The following TUSC3 variants were observed in gnomAD, a reference collection of about 807,000 sequenced individuals.
TUSC3 encodes tumor suppressor candidate 3.
In TUSC3, 45 loss-of-function variants were observed where a neutral mutation model predicts 44.8. The ratio of observed to expected loss-of-function variants is 1.00; its 90% CI spans 0.79 to 1.29. The LOEUF (loss-of-function observed/expected upper bound fraction) is 1.29, where lower values mean the gene tolerates loss of function less well. Among genes scored for constraint, TUSC3 ranks in the 50% most tolerant of loss-of-function variants. The pLI, the probability that TUSC3 is intolerant of heterozygous loss-of-function variation, is 0.00. For synonymous variants in TUSC3, 212 were observed against 152.9 expected, an observed-to-expected ratio of 1.39 and a Z score of -2.85; for missense variants, 519 against 437.9, an observed-to-expected ratio of 1.19 and a Z score of -1.65.
Position 15,556,039 on chromosome 8 carries a change from G to T in TUSC3, c.138+15471G>T, listed in dbSNP as rs538065793. 1.1e-4 allele frequency among the ~76,000 whole-genome samples: 16 copies of T among 148,770 alleles called. No homozygotes were observed. In the South Asian group the frequency reaches 2.4e-3, roughly 22 times the overall value. On this transcript the variant is annotated intron_variant, in intron 1 of 10. Coordinates refer to ENST00000503731, the MANE Select transcript of TUSC3 (RefSeq NM_006765.4). ...TTTTTATTATACTTTAAGTTTTAGG[G>T]TACATGTGCACATTGTGCAGGTTAG...
chr8:15,745,829 G>C (rs150025989), intron 8 of TUSC3, among the ~76,000 whole-genome samples: 1 of 151,860 alleles, frequency 6.6e-6, no homozygotes, highest in Non-Finnish European at 1.5e-5. Flanking sequence ...ATTGCCTTTG[G>C]AGACTTAGTA....
At chr8:15,660,972 A>G (rs923087124) in intron 4 of TUSC3, among the ~76,000 whole-genome samples, 12 of 151,312 alleles carry the variant, frequency 7.9e-5, no homozygotes, top group African/African-American at 2.9e-4. Flanking sequence ...AGAAATGAAA[A>G]CAGTACAAAT....
At chr8:15,691,391 G>C (rs987866177) in intron 6 of TUSC3, among the ~76,000 whole-genome samples, 1 of 152,132 alleles carries the variant, frequency 6.6e-6, no homozygotes, top group Non-Finnish European at 1.5e-5. Flanking sequence ...TTGTTTAGCA[G>C]ATCAAGAAGC....
intron 2 of TUSC3, among the ~76,000 whole-genome samples, chr8:15,489,655 T>A (rs1027810681): frequency 1.3e-5 from 2 of 152,182 alleles, no homozygotes; most frequent in African/African-American, 4.8e-5. Flanking sequence ...GAATTTGGTA[T>A]CTCACTGCCA....
At chr8:15,840,721 G>A in the TUSC3 span, among the ~76,000 whole-genome samples, 1 of 152,058 alleles carries the variant, frequency 6.6e-6, no homozygotes, top group East Asian at 1.9e-4. Context: ...TTTTTCTAGA[G>A]AAAATTCCAT....
intron 1 of TUSC3, among the ~76,000 whole-genome samples, chr8:15,467,649 T>C (rs1800431243): frequency 6.6e-6 from 1 of 152,174 alleles, no homozygotes; most frequent in Non-Finnish European, 1.5e-5. Context: ...CTGCTGTCCA[T>C]GTGGCAAACT....
chr8:15,575,672 C>T (rs558131395), intron 1 of TUSC3, among the ~76,000 whole-genome samples: 1 of 152,082 alleles, frequency 6.6e-6, no homozygotes, highest in Non-Finnish European at 1.5e-5. Flanking sequence ...GAAGCTGAGG[C>T]AGGAGAATCA....
chr8:15,777,490 T>C, the TUSC3 span, among the ~76,000 whole-genome samples: 1 of 152,168 alleles, frequency 6.6e-6, no homozygotes, highest in Non-Finnish European at 1.5e-5. Context: ...CATGAACATA[T>C]AATTCAAATT....
intron 1 of TUSC3, among the ~76,000 whole-genome samples, chr8:15,561,866 C>T (rs999374091): frequency 7.2e-5 from 11 of 152,118 alleles, no homozygotes; most frequent in East Asian, 3.9e-4. Flanking sequence ...TTTCGGCTGG[C>T]GCACGGTGTG....
chr8:15,460,210 A>AT (rs1800325838), intron 1 of TUSC3, among the ~76,000 whole-genome samples: 2 of 151,720 alleles, frequency 1.3e-5, no homozygotes, highest in South Asian at 2.1e-4. Context: ...CTGCTTTTTG[A>AT]TTTTTTTGAT....
chr8:15,550,031 G>A (rs1451703103), intron 1 of TUSC3, among the ~76,000 whole-genome samples: 1 of 151,708 alleles, frequency 6.6e-6, no homozygotes, highest in Non-Finnish European at 1.5e-5. Flanking sequence ...GATTGAGCAA[G>A]CACGGGGTAC....
At chr8:15,560,100 G>T (rs1317227717) in intron 1 of TUSC3, among the ~76,000 whole-genome samples, 1 of 122,896 alleles carries the variant, frequency 8.1e-6, no homozygotes, top group Non-Finnish European at 1.7e-5. Flanking sequence ...TCCTAGTCTC[G>T]ATGGTCTTTA....
At chr8:15,832,169 C>A in the TUSC3 span, among the ~76,000 whole-genome samples, 2 of 152,086 alleles carry the variant, frequency 1.3e-5, no homozygotes, top group Non-Finnish European at 2.9e-5. Flanking sequence ...AAATTCCAAC[C>A]AAGAATTCAC....
intron 2 of TUSC3, among the ~76,000 whole-genome samples, chr8:15,505,914 A>G (rs938399263): frequency 6.6e-6 from 1 of 152,140 alleles, no homozygotes; most frequent in Non-Finnish European, 1.5e-5. Context: ...TTCTTGCCCA[A>G]TCTGGTCATA....
At chr8:15,668,896 A>G (rs1807803038) in intron 5 of TUSC3, among the ~76,000 whole-genome samples, 1 of 151,868 alleles carries the variant, frequency 6.6e-6, no homozygotes, top group East Asian at 1.9e-4. Flanking sequence ...TTTGGTTAGA[A>G]ACTTCACAAG....
At chr8:15,795,444 G>A in the TUSC3 span, among the ~76,000 whole-genome samples, 21 of 152,284 alleles carry the variant, frequency 1.4e-4, no homozygotes, top group African/African-American at 5.1e-4. Context: ...GACTTCCAAT[G>A]CACAGATAAC....
chr8:15,478,590 C>T (rs1036208126), intron 1 of TUSC3, among the ~76,000 whole-genome samples: 2 of 152,146 alleles, frequency 1.3e-5, no homozygotes, highest in Non-Finnish European at 2.9e-5. Flanking sequence ...ATCCATGTCC[C>T]TGAAAAGGAC....
chr8:15,575,224 T>A (rs995389737), intron 1 of TUSC3, among the ~76,000 whole-genome samples: 1 of 152,194 alleles, frequency 6.6e-6, no homozygotes, highest in African/African-American at 2.4e-5. Context: ...AAAGTGGATT[T>A]TGTGTACTTG....
intron 1 of TUSC3, among the ~76,000 whole-genome samples, chr8:15,445,618 G>C (rs1319605163): frequency 6.6e-6 from 1 of 152,214 alleles, no homozygotes; most frequent in African/African-American, 2.4e-5. Context: ...ATGTTTCAGA[G>C]AGCACTGGGT....
Sources: allele counts gnomAD v4.1 joint callset (sites outside exome capture counted in the v4.1 genomes callset), GRCh38; gene constraint gnomAD v4.1.1; transcripts MANE v1.5; gene names NCBI Gene and HGNC (gene_info 2026-07-23, HGNC 2026-07-21).